The following RIN2 variants were observed in gnomAD, a reference collection of about 807,000 sequenced individuals.
The protein encoded by RIN2 is Ras and Rab interactor 2.
RIN2 carries 36 observed loss-of-function variants against 78.0 expected under a neutral mutation model. That is an observed-to-expected ratio of 0.46 (90% confidence interval 0.35 to 0.61). RIN2 has a LOEUF of 0.61. Ranked by LOEUF, RIN2 falls within the 20% of genes least tolerant of loss-of-function variation. The pLI, the probability that RIN2 is intolerant of heterozygous loss-of-function variation, is 0.00. For synonymous variants in RIN2, 466 were observed against 466.8 expected (o/e 1.00, Z 0.02); for missense variants, 1,087 against 1,159.7 (o/e 0.94, Z 0.91).
At chr20:19,864,017 G>GT (rs1398527473) in intron 2 of RIN2, among the ~76,000 whole-genome samples, 2 of 146,588 alleles carry the variant, frequency 1.4e-5, no homozygotes, top group Non-Finnish European at 3.0e-5. Flanking sequence ...GGGGTGGGTG[G>GT]TAAAAAAAAA....
At chr20:19,888,634 C>T (rs950863604) in intron 2 of RIN2, among the ~76,000 whole-genome samples, 13 of 152,230 alleles carry the variant, frequency 8.5e-5, no homozygotes, top group African/African-American at 3.1e-4. Context: ...GAGCTACCTC[C>T]TGTGCATGTT....
At chr20:19,792,773 G>A (rs1045850544) in intron 1 of RIN2, among the ~76,000 whole-genome samples, 4 of 152,146 alleles carry the variant, frequency 2.6e-5, no homozygotes, top group African/African-American at 4.8e-5. Flanking sequence ...ATTGGCTGTC[G>A]GGGTGATTTG....
chr20:19,946,806 G>A (rs1376539651), intron 4 of RIN2, among the ~76,000 whole-genome samples: 2 of 151,616 alleles, frequency 1.3e-5, no homozygotes, highest in African/African-American at 4.9e-5. Flanking sequence ...CGAGGTGGGT[G>A]GATCACCTGA....
chr20:19,819,223 G>GC, intron 2 of RIN2, among the ~76,000 whole-genome samples: 2 of 152,306 alleles, frequency 1.3e-5, no homozygotes, highest in East Asian at 3.9e-4. Context: ...CCAAGGTCCA[G>GC]GTGCCAGCAT....
intron 2 of RIN2, among the ~76,000 whole-genome samples, chr20:19,887,893 T>C (rs1249555774): frequency 2.0e-5 from 3 of 152,202 alleles, no homozygotes; most frequent in Non-Finnish European, 4.4e-5. Context: ...TTTTTATTTG[T>C]GTGCTTCTGG....
chr20:19,886,533 T>C (rs1396553366), intron 2 of RIN2: 1 of 589,314 alleles, frequency 1.7e-6, no homozygotes, highest in African/African-American at 1.9e-5. Context: ...TTCAGTGGTG[T>C]TGTTGAAAGG....
At chr20:19,876,571 G>A (rs552429559) in intron 2 of RIN2, among the ~76,000 whole-genome samples, 22 of 119,308 alleles carry the variant, frequency 1.8e-4, no homozygotes, top group African/African-American at 4.9e-4. Flanking sequence ...ACAGACAGGC[G>A]AAATGGGGAT....
At chr20:19,832,199 A>G (rs2123007174) in intron 2 of RIN2, among the ~76,000 whole-genome samples, 1 of 151,362 alleles carries the variant, frequency 6.6e-6, no homozygotes, top group East Asian at 2.0e-4. Flanking sequence ...TGGGGATACT[A>G]AGGCAAGCAC....
chr20:19,987,626 G>T (rs1278749247), intron 9 of RIN2, among the ~76,000 whole-genome samples: 2 of 152,108 alleles, frequency 1.3e-5, no homozygotes, highest in African/African-American at 2.4e-5. Flanking sequence ...TTAGATGGAG[G>T]CTGGCCCATC....
chr20:19,879,039 C>G (rs977382933), intron 2 of RIN2, among the ~76,000 whole-genome samples: 1 of 151,678 alleles, frequency 6.6e-6, no homozygotes. Flanking sequence ...TTCAGAGAAC[C>G]TGCAGAGCCT....
At chr20:19,967,333 G>T (rs1159379821) in intron 7 of RIN2, among the ~76,000 whole-genome samples, 1 of 152,184 alleles carries the variant, frequency 6.6e-6, no homozygotes, top group Non-Finnish European at 1.5e-5. Context: ...AAAATGCAAA[G>T]ATATTTGATG....
chr20:19,911,345 C>T (rs6046450), intron 3 of RIN2, among the ~76,000 whole-genome samples: 5,322 of 152,216 alleles, frequency 0.035, 323 homozygotes, highest in African/African-American at 0.12. Context: ...TGAGCCACCG[C>T]GCCTGGCCCA....
At chr20:19,983,385 A>G (rs886671899) in intron 9 of RIN2, among the ~76,000 whole-genome samples, 16 of 152,212 alleles carry the variant, frequency 1.1e-4, no homozygotes, top group Non-Finnish European at 1.9e-4. Flanking sequence ...CCATCTGTAA[A>G]ATGAATGACA....
rs571784975 is a variant in RIN2 at position 19,948,708 on chromosome 20, AT to A, written c.159-7904del. ...TACCATAGATGATATTAAATTGTCC[AT>A]TTAAAAACTCCAGTTTCTCGGGAAC... On this transcript the variant is annotated intron_variant, in intron 4 of 12. Transcript: ENST00000255006. Among the ~76,000 whole-genome samples, 999 of 152,324 alleles carry A rather than the reference AT, an allele frequency of 6.6e-3. 11 individuals are homozygous for A. The highest frequency in any genetic ancestry group is 0.023 in the African/African-American group (966 of 41,568).
intron 1 of RIN2, among the ~76,000 whole-genome samples, chr20:19,769,402 A>T (rs1211134017): frequency 1.3e-5 from 2 of 152,220 alleles, no homozygotes; most frequent in Non-Finnish European, 2.9e-5. Context: ...CTCACCACCC[A>T]GGCTAGTAGT....
chr20:19,857,664 C>T (rs954307997), intron 2 of RIN2, among the ~76,000 whole-genome samples: 1 of 152,014 alleles, frequency 6.6e-6, no homozygotes, highest in African/African-American at 2.4e-5. Flanking sequence ...CCAGAGGGTG[C>T]ATGGGAGTGT....
chr20:19,886,634 TA>T, intron 2 of RIN2: 10 of 686,886 alleles, frequency 1.5e-5, no homozygotes, highest in South Asian at 3.7e-5. Context: ...TTTTTTTTGC[TA>T]GCTTTTAGCT....
chr20:19,887,164 A>G (rs777391779), intron 2 of RIN2, among the ~76,000 whole-genome samples: 80 of 148,674 alleles, frequency 5.4e-4, no homozygotes, highest in Admixed American at 9.5e-4. Flanking sequence ...CTACAGGAGC[A>G]TGCCACCATG....
At chr20:19,972,562 G>A (rs1329719922) in intron 8 of RIN2, among the ~76,000 whole-genome samples, 1 of 152,240 alleles carries the variant, frequency 6.6e-6, no homozygotes, top group East Asian at 1.9e-4. Flanking sequence ...CTCAGTAAAA[G>A]TACTGTTCAT....
Sources: allele counts gnomAD v4.1 joint callset (sites outside exome capture counted in the v4.1 genomes callset), GRCh38; gene constraint gnomAD v4.1.1; transcripts MANE v1.5; gene names NCBI Gene and HGNC (gene_info 2026-07-23, HGNC 2026-07-21).